Variants in NFIX observed in about 807,000 individuals in gnomAD.
The protein encoded by NFIX is nuclear factor 1 X-type.
Under a neutral mutation model 53.3 loss-of-function variants are expected in NFIX, and 2 were observed. The ratio of observed to expected loss-of-function variants is 0.04; its 90% CI spans 0.02 to 0.12. The LOEUF is 0.12. Among genes scored for constraint, NFIX ranks in the 10% least tolerant of loss-of-function variants. NFIX has a pLI of 1.00. For missense variants in NFIX, 310 were observed against 674.5 expected, an observed-to-expected ratio of 0.46 and a Z score of 5.99; for synonymous variants, 244 against 289.0, an observed-to-expected ratio of 0.84 and a Z score of 1.58.
intron 8 of NFIX, chr19:13,082,149 CATG>C (rs1211187101): frequency 2.5e-6 from 1 of 401,102 alleles, no homozygotes; most frequent in East Asian, 4.1e-5. Context: ...GGAGTGAACT[CATG>C]ATGATCCAAC....
At chr19:13,064,004 G>A (rs796683129) in intron 2 of NFIX, among the ~76,000 whole-genome samples, 16 of 152,284 alleles carry the variant, frequency 1.1e-4, no homozygotes, top group African/African-American at 2.9e-4. Flanking sequence ...GGCCAGAAAG[G>A]GCAGTGCTGG....
chr19:13,083,442 G>A (rs2017590996), intron 8 of NFIX, among the ~76,000 whole-genome samples: 1 of 152,176 alleles, frequency 6.6e-6, no homozygotes, highest in South Asian at 2.1e-4. Flanking sequence ...GAGAAAGTGG[G>A]TCATTTAGTC....
At chr19:13,018,350 G>C (rs970079132) in intron 1 of NFIX, among the ~76,000 whole-genome samples, 3 of 109,398 alleles carry the variant, frequency 2.7e-5, no homozygotes, top group African/African-American at 9.9e-5. Flanking sequence ...GGGGGGGGGG[G>C]GCGCGGTTTA....
At chr19:13,024,481 G>T in intron 1 of NFIX, 2 of 1,480,354 alleles carry the variant, frequency 1.4e-6, no homozygotes, top group Non-Finnish European at 1.8e-6. Context: ...GCTCGTGGAT[G>T]TCATTTTCTG....
chr19:13,008,464 C>T (rs2012145165), intron 1 of NFIX, among the ~76,000 whole-genome samples: 1 of 152,172 alleles, frequency 6.6e-6, no homozygotes, highest in Non-Finnish European at 1.5e-5. Flanking sequence ...GCCCTGACCC[C>T]AAGCAGCTTG....
intron 2 of NFIX, among the ~76,000 whole-genome samples, chr19:13,048,281 G>A (rs1425814895): frequency 6.6e-6 from 1 of 152,064 alleles, no homozygotes; most frequent in Non-Finnish European, 1.5e-5. Flanking sequence ...GCTTGCCCCC[G>A]TATCCACAAG....
At chr19:13,085,602 C>A (rs1321860232) in intron 8 of NFIX, among the ~76,000 whole-genome samples, 1 of 152,262 alleles carries the variant, frequency 6.6e-6, no homozygotes, top group African/African-American at 2.4e-5. Flanking sequence ...TCCAAAACAC[C>A]TGCACAAAAG....
chr19:13,007,649 G>A (rs1233264456), intron 1 of NFIX, among the ~76,000 whole-genome samples: 1 of 152,144 alleles, frequency 6.6e-6, no homozygotes, highest in South Asian at 2.1e-4. Flanking sequence ...CCTCGCCTTC[G>A]GTACTTGTGT....
chr19:13,044,428 G>A (rs2014849500), intron 2 of NFIX, among the ~76,000 whole-genome samples: 1 of 152,222 alleles, frequency 6.6e-6, no homozygotes, highest in African/African-American at 2.4e-5. Context: ...CAGGAGGTGG[G>A]TGTCTGTGTA....
rs775901244 is a variant in NFIX at position 13,073,945 on chromosome 19, C to T, written c.737C>T (p.Ala246Val). 2.3e-5 allele frequency: 37 copies of T among 1,613,866 alleles called. No individual in the cohort carries two copies. The highest frequency in any genetic ancestry group is 4.5e-5 in the East Asian group (2 of 44,898). ...ATASGPNFSL[A>V]DLESPSYYNI... ...GCATCAGGGCCCAACTTCTCCCTGG[C>T]GGACCTGGAGAGTCCCAGCTACTAC... The change falls in exon 5 of 11, where the codon GCG (alanine) becomes GTG (valine). Residue 246 changes from alanine to valine, a missense_variant. By Grantham distance (64) the Ala-to-Val change is moderately conservative. Transcript: ENST00000592199. This position sits in a 1 kb window ranked among gnomAD's most constrained non-coding sequence, Gnocchi z 4.5.
chr19:12,996,576 G>A lies in NFIX; in HGVS notation c.27+712G>A, dbSNP rs948017171. On this transcript the variant is annotated intron_variant, in intron 1 of 10. Coordinates refer to ENST00000592199, the MANE Select transcript of NFIX (RefSeq NM_001365902.3). The surrounding 1 kb of genome is among the most constrained non-coding windows in gnomAD (Gnocchi z 5.2). ...GCGGTGGCCGCGCCTCTCCGACCCC[G>A]GACGTCGCAGCCTCTGCCCCCCCAC... Among the ~76,000 whole-genome samples, 1 of 152,148 alleles carries A rather than the reference G, an allele frequency of 6.6e-6. No homozygotes were observed. The highest frequency in any genetic ancestry group is 6.5e-5 in the Admixed American group (1 of 15,282).
intron 2 of NFIX, among the ~76,000 whole-genome samples, chr19:13,062,696 T>TG (rs1300822203): frequency 6.6e-6 from 1 of 152,070 alleles, no homozygotes; most frequent in Admixed American, 6.6e-5. Context: ...AGCCTCCAGG[T>TG]GGGAGAAGGG....
Position 13,081,699 on chromosome 19 carries a change from A to G in NFIX, c.1098A>G (p.Ala366=), listed in dbSNP as rs2017477827. The change falls in exon 8 of 11, where the codon GCA becomes GCG. Residue 366 remains alanine, a synonymous_variant. Coordinates refer to ENST00000592199, the MANE Select transcript of NFIX (RefSeq NM_001365902.3). This position sits in a 1 kb window ranked among gnomAD's most constrained non-coding sequence, Gnocchi z 4.7. ...GVRPGSPRAT[A]SALHFPSTSI... ...ATGCAGGGAGCCCCCGGGCCACAGC[A>G]TCAGCCCTGCACTTCCCCTCCACGT... 6 of 1,613,630 alleles carry G rather than the reference A, an allele frequency of 3.7e-6. No individual in the cohort carries two copies. The highest frequency in any genetic ancestry group is 5.1e-6 in the Non-Finnish European group (6 of 1,179,802).
chr19:13,008,012 G>GCAA (rs2012122418), intron 1 of NFIX, among the ~76,000 whole-genome samples: 3 of 152,188 alleles, frequency 2.0e-5, no homozygotes, highest in Non-Finnish European at 4.4e-5. Context: ...AGGTACAGCT[G>GCAA]CAGGACAGCC....
chr19:13,087,774 CAAAAAA>C lies in NFIX; in HGVS notation c.1255-196_1255-191del, dbSNP rs1157966190. Among the ~76,000 whole-genome samples the C allele has an allele frequency of 8.0e-3, 210 of 26,388 alleles. 1 individual carries two copies. Among genetic ancestry groups the C allele is most frequent in the African/African-American group, 0.033 (184 of 5,600 alleles). 17.3% of individuals were successfully genotyped at this position (26,388 alleles called of 152,430 possible). ...CCCTCCCACAACTTCAAAAGAGGAC[CAAAAAA>C]AAAAAAAAAAAAAAAAAAGAGAAAC... On this transcript the variant is annotated intron_variant, in intron 8 of 10. Coordinates refer to ENST00000592199, the MANE Select transcript of NFIX (RefSeq NM_001365902.3).
chr19:13,024,113 CAAAA>C lies in NFIX; in HGVS notation c.28-894_28-891del, dbSNP rs113861190. The C allele has an allele frequency of 1.0e-3, 420 of 411,742 alleles. 1 individual carries two copies. Among genetic ancestry groups the C allele is most frequent in the South Asian group, 6.1e-3 (223 of 36,822 alleles). 25.5% of individuals were successfully genotyped at this position (411,742 alleles called of 1,614,324 possible). A position where few individuals can be genotyped will look rare whatever the true frequency, so the allele number is the denominator to read the frequency against. ...TTTAAACTTCAAACAAGCAAACAAC[CAAAA>C]AAAAAAAAAAAAACCAAACAAAACC... is the stretch of plus-strand genomic sequence containing the variant. On this transcript the variant is annotated intron_variant, in intron 1 of 10. Transcript: ENST00000592199.
intron 6 of NFIX, among the ~76,000 whole-genome samples, chr19:13,076,409 G>A (rs918879501): frequency 6.6e-6 from 1 of 152,208 alleles, no homozygotes; most frequent in Non-Finnish European, 1.5e-5. Flanking sequence ...GACTGAGGGT[G>A]CAGACAGACC....
In NFIX at chr19:12,996,689, C is replaced by T. The variant is rs1291295807; in HGVS notation, c.27+825C>T. On this transcript the variant is annotated intron_variant, in intron 1 of 10. Transcript: ENST00000592199. This position sits in a 1 kb window ranked among gnomAD's most constrained non-coding sequence, Gnocchi z 5.2. ...CCGGCAGGCCTGGGGAATCCCGTCC[C>T]GTCGCCTGGAGGCGGGAGGGGCGGG... Among the ~76,000 whole-genome samples the T allele has an allele frequency of 6.6e-6, 1 of 152,182 alleles. No homozygotes were observed. Among genetic ancestry groups the T allele is most frequent in the Non-Finnish European group, 1.5e-5 (1 of 68,010 alleles).
chr19:13,090,863 GAGGGC>G lies in NFIX; in HGVS notation c.1494+487_1494+491del, dbSNP rs982435748. ...GGGCTGCGTGCCCAGAACTGGCACT[GAGGGC>G]AGGGCAGGGCAGGCCGCCACCCTAG... On this transcript the variant is annotated intron_variant, in intron 10 of 10. Coordinates refer to ENST00000592199, the MANE Select transcript of NFIX (RefSeq NM_001365902.3). This position sits in a 1 kb window ranked among gnomAD's most constrained non-coding sequence, Gnocchi z 6.6. Among the ~76,000 whole-genome samples, 1 of 152,212 alleles carries G rather than the reference GAGGGC, an allele frequency of 6.6e-6. No homozygotes were observed. Among genetic ancestry groups the G allele is most frequent in the Non-Finnish European group, 1.5e-5 (1 of 68,026 alleles).
Sources: gnomAD v4.1 joint callset for allele counts (sites outside exome capture counted in the v4.1 genomes callset) on GRCh38, gnomAD v4.1.1 for gene constraint, Gnocchi (gnomAD v3.1) non-coding constraint, MANE v1.5 for transcripts, NCBI Gene and HGNC (gene_info 2026-07-23, HGNC 2026-07-21) for gene names.